SHQ1: variants seen among roughly 807,000 people sequenced by gnomAD.
The protein encoded by SHQ1 is protein SHQ1 homolog.
In SHQ1, 49 loss-of-function variants were observed where a neutral mutation model predicts 53.8. That is an observed-to-expected ratio of 0.91 (90% CI 0.72 to 1.16). The LOEUF (loss-of-function observed/expected upper bound fraction) is 1.16. SHQ1 is among the 50% of genes most tolerant of loss of function. SHQ1 has a pLI of 0.00. For missense variants in SHQ1, 738 were observed against 683.1 expected, an observed-to-expected ratio of 1.08 and a Z score of -0.90; for synonymous variants, 243 against 251.0, an observed-to-expected ratio of 0.97 and a Z score of 0.30.
At chr3:72,834,919 C>A (rs995534473) in intron 4 of SHQ1, among the ~76,000 whole-genome samples, 2 of 152,054 alleles carry the variant, frequency 1.3e-5, no homozygotes, top group Non-Finnish European at 2.9e-5. Flanking sequence ...GGGCTTAACA[C>A]AATGCACATT....
At chr3:72,725,599 G>T in the SHQ1 span, among the ~76,000 whole-genome samples, 3 of 152,094 alleles carry the variant, frequency 2.0e-5, no homozygotes, top group African/African-American at 7.2e-5. Flanking sequence ...TTAATGACTT[G>T]CTTGTTTACC....
chr3:72,801,796 T>C (rs1002844887), intron 9 of SHQ1, among the ~76,000 whole-genome samples: 2 of 152,222 alleles, frequency 1.3e-5, no homozygotes, highest in African/African-American at 4.8e-5. Flanking sequence ...GTTTAATTTA[T>C]ATGAAAAGGA....
At chr3:72,815,958 T>C (rs568008611) in intron 7 of SHQ1, among the ~76,000 whole-genome samples, 1 of 152,290 alleles carries the variant, frequency 6.6e-6, no homozygotes, top group East Asian at 1.9e-4. Flanking sequence ...TAAACACTCA[T>C]CTTTTCAAGA....
At chr3:72,843,913 C>T (rs537951776) in intron 2 of SHQ1, among the ~76,000 whole-genome samples, 109 of 152,308 alleles carry the variant, frequency 7.2e-4, no homozygotes, top group Non-Finnish European at 5.4e-4. Context: ...GCTTATCAAT[C>T]ATGAGGAGAA....
intron 9 of SHQ1, chr3:72,794,071 A>C (rs1369628361): frequency 6.6e-6 from 1 of 152,238 alleles, no homozygotes; most frequent in South Asian, 2.1e-4. Context: ...TTCTACATCT[A>C]GAGTAGTACC....
chr3:72,767,255 T>C (rs1705750209), intron 10 of SHQ1, among the ~76,000 whole-genome samples: 1 of 152,208 alleles, frequency 6.6e-6, no homozygotes, highest in South Asian at 2.1e-4. Context: ...AGCAAAAACC[T>C]GCCCCATGCC....
chr3:72,790,906 T>G (rs1706411654), intron 10 of SHQ1, among the ~76,000 whole-genome samples: 3 of 152,106 alleles, frequency 2.0e-5, no homozygotes, highest in Non-Finnish European at 4.4e-5. Flanking sequence ...CCCAATACAT[T>G]ATCCCATTTT....
intron 9 of SHQ1, among the ~76,000 whole-genome samples, chr3:72,798,119 A>G (rs1706683081): frequency 6.6e-6 from 1 of 152,236 alleles, no homozygotes; most frequent in Non-Finnish European, 1.5e-5. Context: ...CCTAAGTCCA[A>G]GATAATCATT....
intron 10 of SHQ1, among the ~76,000 whole-genome samples, chr3:72,785,967 A>AC (rs1706221561): frequency 6.6e-6 from 1 of 151,702 alleles, no homozygotes; most frequent in Non-Finnish European, 1.5e-5. Flanking sequence ...CCAAAACTGA[A>AC]CTCCTCACCT....
chr3:72,798,719 C>A (rs193172169), intron 9 of SHQ1, among the ~76,000 whole-genome samples: 1 of 152,356 alleles, frequency 6.6e-6, no homozygotes, highest in Admixed American at 6.5e-5. Context: ...TAATCTTTCA[C>A]TGACAGACCA....
At chr3:72,824,308 A>T in intron 6 of SHQ1, 116 bp downstream of exon 6, 1 of 1,255,476 alleles carries the variant, frequency 8.0e-7, no homozygotes, top group Non-Finnish European at 1.1e-6. Context: ...ATTCAAACTC[A>T]TATTTTAACA....
intron 10 of SHQ1, among the ~76,000 whole-genome samples, chr3:72,781,410 C>A (rs1315970397): frequency 6.6e-6 from 1 of 151,990 alleles, no homozygotes; most frequent in African/African-American, 2.4e-5. Context: ...GCCCTTATAC[C>A]CTACATGAAA....
intron 10 of SHQ1, among the ~76,000 whole-genome samples, chr3:72,769,626 A>AG (rs1705803612): frequency 1.3e-5 from 2 of 152,154 alleles, no homozygotes; most frequent in South Asian, 4.1e-4. Flanking sequence ...CTACTCCACT[A>AG]GGCCTTGCAG....
intron 10 of SHQ1, chr3:72,772,694 G>A (rs1705880418): frequency 2.7e-6 from 2 of 727,714 alleles, no homozygotes; most frequent in East Asian, 2.5e-5. Context: ...GAGCTTGATG[G>A]TGCACCTCTG....
intron 1 of SHQ1, 142 bp downstream of exon 1, chr3:72,848,056 T>A: frequency 2.0e-6 from 2 of 1,013,174 alleles, no homozygotes; most frequent in Non-Finnish European, 3.0e-6. Flanking sequence ...AGAGGGCAGT[T>A]CCCTGGCACC....
chr3:72,840,056 A>C (rs1196885374), intron 4 of SHQ1, among the ~76,000 whole-genome samples: 2 of 151,976 alleles, frequency 1.3e-5, no homozygotes, highest in Non-Finnish European at 2.9e-5. Context: ...ACATCCGGCT[A>C]ATTTGGCCAA....
intron 6 of SHQ1, among the ~76,000 whole-genome samples, chr3:72,821,522 A>T (rs993785670): frequency 6.6e-6 from 1 of 152,198 alleles, no homozygotes; most frequent in African/African-American, 2.4e-5. Context: ...CAACCAAGGG[A>T]GAAAAAGAGG....
chr3:72,734,740 G>A, the SHQ1 span, among the ~76,000 whole-genome samples: 4 of 151,524 alleles, frequency 2.6e-5, no homozygotes, highest in Non-Finnish European at 5.9e-5. Flanking sequence ...GAATACAGTA[G>A]GTGCTCAATA....
intron 9 of SHQ1, among the ~76,000 whole-genome samples, chr3:72,811,743 C>T (rs191679732): frequency 1.3e-5 from 2 of 152,266 alleles, no homozygotes; most frequent in Admixed American, 1.3e-4. Context: ...TGAGACAAAA[C>T]ATTTGAGATG....
Sources: gnomAD v4.1 joint callset for allele counts (sites outside exome capture counted in the v4.1 genomes callset) on GRCh38, gnomAD v4.1.1 for gene constraint, MANE v1.5 for transcripts, NCBI Gene and HGNC (gene_info 2026-07-23, HGNC 2026-07-21) for gene names.